The following MAML2 variants were observed in gnomAD, a reference collection of about 807,000 sequenced individuals.
MAML2 encodes the protein mastermind like transcriptional coactivator 2, also known as mastermind-like protein 2.
MAML2 carries 22 observed loss-of-function variants against 96.1 expected under a neutral mutation model. That is an observed-to-expected ratio of 0.23 (90% CI 0.16 to 0.33). The LOEUF (loss-of-function observed/expected upper bound fraction) is 0.33. Ranked by LOEUF, MAML2 falls within the 10% of genes least tolerant of loss-of-function variation. MAML2 has a pLI of 1.00. For synonymous variants in MAML2, 561 were observed against 521.3 expected, an observed-to-expected ratio of 1.08 and a Z score of -1.04; for missense variants, 1,367 against 1,392.4, an observed-to-expected ratio of 0.98 and a Z score of 0.29.
At chr11:96,053,128 A>G (rs1262705623) in intron 2 of MAML2, among the ~76,000 whole-genome samples, 1 of 152,242 alleles carries the variant, frequency 6.6e-6, no homozygotes, top group Admixed American at 6.5e-5. Flanking sequence ...TGAGAAATTC[A>G]AAGTCATTAA....
chr11:96,022,137 C>G (rs1316376458), intron 2 of MAML2, among the ~76,000 whole-genome samples: 1 of 152,196 alleles, frequency 6.6e-6, no homozygotes, highest in Non-Finnish European at 1.5e-5. Flanking sequence ...CTCCTCCAAC[C>G]ATGTGATCCA....
chr11:96,076,375 G>C (rs1363761065), intron 2 of MAML2, among the ~76,000 whole-genome samples: 1 of 151,924 alleles, frequency 6.6e-6, no homozygotes, highest in Non-Finnish European at 1.5e-5. Flanking sequence ...TTGATTCCAT[G>C]TGTACTATAA....
At chr11:96,044,393 G>A (rs1858863315) in intron 2 of MAML2, among the ~76,000 whole-genome samples, 2 of 152,078 alleles carry the variant, frequency 1.3e-5, no homozygotes, top group South Asian at 4.1e-4. Flanking sequence ...TCCCTTCCCT[G>A]CCTACTGCAC....
intron 2 of MAML2, among the ~76,000 whole-genome samples, chr11:95,992,011 A>G (rs1301889585): frequency 6.6e-6 from 1 of 152,230 alleles, no homozygotes; most frequent in African/African-American, 2.4e-5. Context: ...ACCTCAAAGA[A>G]AACTACCATA....
intron 1 of MAML2, among the ~76,000 whole-genome samples, chr11:96,125,514 G>A (rs1036479598): frequency 6.6e-6 from 1 of 152,156 alleles, no homozygotes; most frequent in East Asian, 1.9e-4. Context: ...AGTCTCTCCA[G>A]GGTCTGGGCA....
chr11:96,093,321 T>C lies in MAML2; in HGVS notation c.710A>G (p.Gln237Arg), dbSNP rs61749253. The change falls in exon 2 of 5, where the codon CAA becomes CGA. Residue 237 changes from glutamine to arginine, a missense_variant. Physicochemically the swap from Gln to Arg is conservative, Grantham distance 43 (BLOSUM62 1). Coordinates refer to ENST00000524717, the MANE Select transcript of MAML2 (RefSeq NM_032427.4). ...AGTGTTAGTCTTTCGCAGGGGTGCT[T>C]GGCTCATAGGCAAGGTCCCTGACAT... The part of the protein sequence containing the change: ...QIMSGTLPMS[Q>R]APLRKTNTLP... 0.018 allele frequency: 28,627 copies of C among 1,613,966 alleles called. 356 individuals carry two copies. The highest frequency in any genetic ancestry group is 0.021 in the Non-Finnish European group (24,408 of 1,179,896).
At chr11:96,075,686 G>C (rs1939487) in intron 2 of MAML2, among the ~76,000 whole-genome samples, 124,268 of 152,158 alleles carry the variant, frequency 0.82, 51,485 homozygotes, top group African/African-American at 0.88. Flanking sequence ...ATTTGTCTGA[G>C]TGGCTTCCCA....
At chr11:96,126,697 A>C (rs1365215796) in intron 1 of MAML2, among the ~76,000 whole-genome samples, 1 of 152,216 alleles carries the variant, frequency 6.6e-6, no homozygotes. Context: ...GAGACTGGGA[A>C]GCGCTTTGAA....
chr11:96,163,547 C>T (rs780711804), intron 1 of MAML2, among the ~76,000 whole-genome samples: 20 of 152,336 alleles, frequency 1.3e-4, no homozygotes, highest in African/African-American at 1.9e-4. Flanking sequence ...GACAAGGTCA[C>T]GGCTAGGATT....
At chr11:96,166,177 T>A (rs4528286) in intron 1 of MAML2, among the ~76,000 whole-genome samples, 22,426 of 110,350 alleles carry the variant, frequency 0.2, 2,179 homozygotes, top group Admixed American at 0.25. Context: ...TCTCTCTCTC[T>A]CACACACACA....
At chr11:96,256,489 T>C (rs1016939346) in intron 1 of MAML2, among the ~76,000 whole-genome samples, 3 of 152,230 alleles carry the variant, frequency 2.0e-5, no homozygotes, top group African/African-American at 7.2e-5. Context: ...TCAGCTTAAA[T>C]ACTGAGATAC....
chr11:96,128,212 G>T (rs1320656832), intron 1 of MAML2, among the ~76,000 whole-genome samples: 1 of 152,046 alleles, frequency 6.6e-6, no homozygotes, highest in Non-Finnish European at 1.5e-5. Context: ...TGACGAATAT[G>T]GTGAGACCCC....
At chr11:96,302,418 G>C (rs1488024166) in intron 1 of MAML2, among the ~76,000 whole-genome samples, 3 of 152,142 alleles carry the variant, frequency 2.0e-5, no homozygotes, top group Non-Finnish European at 2.9e-5. Context: ...TCCCAAGGGA[G>C]CCACCCCTCC....
At chr11:96,191,479 A>G (rs940607569) in intron 1 of MAML2, among the ~76,000 whole-genome samples, 5 of 124,852 alleles carry the variant, frequency 4.0e-5, no homozygotes, top group Non-Finnish European at 8.4e-5. Context: ...AAATAACAAT[A>G]ATAAAAAAAA....
chr11:96,169,771 C>G (rs1861253387), intron 1 of MAML2, among the ~76,000 whole-genome samples: 1 of 151,854 alleles, frequency 6.6e-6, no homozygotes, highest in African/African-American at 2.4e-5. Context: ...TCTCCTGCCT[C>G]AGCCTCCTGA....
chr11:96,327,711 G>A (rs938168360), intron 1 of MAML2, among the ~76,000 whole-genome samples: 5 of 151,808 alleles, frequency 3.3e-5, no homozygotes, highest in Admixed American at 6.6e-5. Context: ...GAGCAACTGC[G>A]CCCGGCCCTT....
chr11:96,072,889 TCCAAGACTAAA>T (rs1859369627), intron 2 of MAML2, among the ~76,000 whole-genome samples: 1 of 152,202 alleles, frequency 6.6e-6, no homozygotes, highest in Non-Finnish European at 1.5e-5. Flanking sequence ...TACATGTGCC[TCCAAGACTAAA>T]CTTGTCTCAT....
chr11:96,090,800 A>G (rs1859691453), intron 2 of MAML2, among the ~76,000 whole-genome samples: 1 of 152,194 alleles, frequency 6.6e-6, no homozygotes, highest in African/African-American at 2.4e-5. Context: ...GTTAGCTTGG[A>G]CAGAGTTTGT....
At chr11:96,001,745 T>C (rs1200816682) in intron 2 of MAML2, among the ~76,000 whole-genome samples, 1 of 152,192 alleles carries the variant, frequency 6.6e-6, no homozygotes, top group East Asian at 1.9e-4. Context: ...TACATAGCTC[T>C]TCACTAACTT....
Sources: gnomAD v4.1 joint callset for allele counts (sites outside exome capture counted in the v4.1 genomes callset) on GRCh38, gnomAD v4.1.1 for gene constraint, MANE v1.5 for transcripts, NCBI Gene and HGNC (gene_info 2026-07-23, HGNC 2026-07-21) for gene names.